The following ANO9 variants were observed in gnomAD, a reference collection of about 807,000 sequenced individuals.
The protein encoded by ANO9 is anoctamin-9.
Under a neutral mutation model 100.5 loss-of-function variants are expected in ANO9, and 80 were observed. That is an observed-to-expected ratio of 0.80 (90% confidence interval 0.66 to 0.96). The LOEUF (loss-of-function observed/expected upper bound fraction) is 0.96, where lower values mean the gene tolerates loss of function less well. Ranked by LOEUF, ANO9 falls within the 40% of genes least tolerant of loss-of-function variation. The pLI is 0.00. For missense variants in ANO9, 1,064 were observed against 1,072.7 expected (o/e 0.99, Z 0.11); for synonymous variants, 473 against 435.6 (o/e 1.09, Z -1.07).
chr11:430,411 C>A lies in ANO9; in HGVS notation c.540-8G>T. The A allele has an allele frequency of 6.7e-7, 1 of 1,497,380 alleles. No individual in the cohort carries two copies. The highest frequency in any genetic ancestry group is 9.0e-7 in the Non-Finnish European group (1 of 1,114,258). The allele number at this position is 1,497,380 out of a possible 1,614,324, so 92.8% of individuals were successfully genotyped here. A position where few individuals can be genotyped will look rare whatever the true frequency, so the allele number is the denominator to read the frequency against. ...TTTTCCCCAAAGTAGTTCCTGCAGG[C>A]AGCAGGGGTCAAGGCCAGCTGTCAG... On this transcript the variant is annotated splice_polypyrimidine_tract_variant and splice_region_variant and intron_variant, in intron 7 of 22. Coordinates refer to ENST00000332826, the MANE Select transcript of ANO9 (RefSeq NM_001012302.3).
chr11:440,123 G>A (rs911796908), intron 1 of ANO9, among the ~76,000 whole-genome samples: 1 of 152,156 alleles, frequency 6.6e-6, no homozygotes, highest in Non-Finnish European at 1.5e-5. Flanking sequence ...TCAGCAGTCA[G>A]CACCTCCCAG....
chr11:433,426 T>C lies in ANO9; in HGVS notation c.238A>G (p.Ile80Val). The C allele has an allele frequency of 6.2e-7, 1 of 1,613,068 alleles. No individual in the cohort carries two copies. Among genetic ancestry groups the C allele is most frequent in the African/African-American group, 1.3e-5 (1 of 74,910 alleles). Residue 80 changes from isoleucine (I) to valine (V), a missense_variant, in exon 4 of 23, where the codon ATC becomes GTC. Ile to Val is a conservative substitution (Grantham distance 29). Coordinates refer to ENST00000332826, the MANE Select transcript of ANO9 (RefSeq NM_001012302.3). ...CCAAAGACACTGTTGTCAGCACGGA[T>C]CCCAAAGAAGACCTGTTTCTGGTCC... is the stretch of plus-strand genomic sequence containing the variant. Reference protein sequence around the residue: ...IRDQKQVFFGIRADNSVFGLY... With the variant: ...IRDQKQVFFGVRADNSVFGLY...
At position 428,780 on chromosome 11, in the gene ANO9, C is replaced by T. The variant is rs201493230; in HGVS notation, c.962G>A (p.Arg321Gln). Residue 321 changes from arginine (R) to glutamine (Q), a missense_variant, in exon 12 of 23, where the codon CGG becomes CAG. By Grantham distance (43) the Arg-to-Gln change is conservative. Coordinates refer to ENST00000332826, the MANE Select transcript of ANO9 (RefSeq NM_001012302.3). Reference sequence around the variant, plus strand: ...GCGTAGGTAGGAGTGCTGGTATGGCCGGAGCTTGTAGTCGGGGCAGTTAAT... The same window carrying T: ...GCGTAGGTAGGAGTGCTGGTATGGCTGGAGCTTGTAGTCGGGGCAGTTAAT... ...QLINCPDYKL[R>Q]PYQHSYLRST... is the part of the protein sequence containing the mutation. 3.9e-4 allele frequency: 630 copies of T among 1,613,216 alleles called. 1 individual carries two copies. Among genetic ancestry groups the T allele is most frequent in the Non-Finnish European group, 4.3e-4 (503 of 1,179,948 alleles).
At chr11:423,074 C>T (rs1369891785) in intron 15 of ANO9, among the ~76,000 whole-genome samples, 1 of 152,128 alleles carries the variant, frequency 6.6e-6, no homozygotes, top group Non-Finnish European at 1.5e-5. Flanking sequence ...ATGATCCGCC[C>T]ACCTCGGCCT....
At chr11:435,401 CTAGTA>C (rs1849392381) in intron 1 of ANO9, among the ~76,000 whole-genome samples, 1 of 149,260 alleles carries the variant, frequency 6.7e-6, no homozygotes, top group Admixed American at 6.7e-5. Flanking sequence ...ATGGTATAGT[CTAGTA>C]TAGTCTAGTC....
intron 11 of ANO9, among the ~76,000 whole-genome samples, chr11:429,176 AC>A: frequency 7.3e-6 from 1 of 137,380 alleles, no homozygotes; most frequent in Non-Finnish European, 1.6e-5. Context: ...GGAGACAGAC[AC>A]AGGGACACGC....
Position 432,443 on chromosome 11 carries a change from T to G in ANO9, c.351-389A>C. ...TCCTTATACCCTGGAGCTGTTCTGT[T>G]CCACTGTGCAGAGCAGAGACTGGGG... On this transcript the variant is annotated intron_variant, in intron 4 of 22. Transcript: ENST00000332826. This position sits in a 1 kb window ranked among gnomAD's most constrained non-coding sequence, Gnocchi z 4.8. The G allele has an allele frequency of 4.0e-6, 1 of 251,698 alleles. No individual in the cohort carries two copies. Among genetic ancestry groups the G allele is most frequent in the Non-Finnish European group, 7.8e-6 (1 of 128,014 alleles). The allele number at this position is 251,698 out of a possible 1,614,324, so 15.6% of individuals were successfully genotyped here. A position where few individuals can be genotyped will look rare whatever the true frequency, so the allele number is the denominator to read the frequency against.
chr11:433,677 G>C, intron 3 of ANO9, 138 bp downstream of exon 3: 5 of 1,430,636 alleles, frequency 3.5e-6, no homozygotes, highest in Non-Finnish European at 9.2e-7. Context: ...GAGCCTCCAA[G>C]CCTGGCCCTC....
chr11:433,197 C>CA, intron 4 of ANO9, 117 bp downstream of exon 4: 1 of 1,410,058 alleles, frequency 7.1e-7, no homozygotes, highest in Non-Finnish European at 9.4e-7. Context: ...CCTGAGACCA[C>CA]ACGGCTGTCC....
chr11:430,083 C>CT lies in ANO9; in HGVS notation c.770dup (p.Leu258AlafsTer6). On this transcript the variant is annotated frameshift_variant and splice_region_variant, in exon 9 of 23. Transcript: ENST00000332826. LOFTEE classifies it high-confidence loss of function. ...TGGGGTGGACCCGGAGGCGACAAACCTTGGCAAAAGTGCAGGTTTCCGAGA... is the reference window on the plus strand; with the variant it reads ...TGGGGTGGACCCGGAGGCGACAAACCTTTGGCAAAAGTGCAGGTTTCCGAGA... The CT allele has an allele frequency of 1.3e-6, 2 of 1,550,348 alleles. No individual in the cohort carries two copies. The highest frequency in any genetic ancestry group is 1.7e-6 in the Non-Finnish European group (2 of 1,147,274).
chr11:429,019 G>A (rs1848705870), intron 11 of ANO9, among the ~76,000 whole-genome samples, 193 bp from the exon 12 acceptor site: 1 of 143,042 alleles, frequency 7.0e-6, no homozygotes, highest in Non-Finnish European at 1.5e-5. Flanking sequence ...GACAGACACG[G>A]GACACTCACA....
intron 11 of ANO9, 57 bp downstream of exon 11, chr11:429,513 G>T: frequency 6.3e-7 from 1 of 1,598,766 alleles, no homozygotes; most frequent in Non-Finnish European, 8.5e-7. Context: ...GCAGGGCATC[G>T]GGCGCCAACA....
In ANO9 at chr11:429,752, ACT is replaced by A. The variant is rs761851521; in HGVS notation, c.832+4_832+5del. The A allele has an allele frequency of 6.2e-7, 1 of 1,611,324 alleles. No homozygotes were observed. Among genetic ancestry groups the A allele is most frequent in the African/African-American group, 1.3e-5 (1 of 74,940 alleles). The stretch of plus-strand genomic sequence containing the variant: ...GGCCCCGCAGAGGCGTCCCGCAGCA[ACT>A]CACCCCAGAGAGCCATGAAGATGGC... On this transcript the variant is annotated splice_donor_5th_base_variant and intron_variant, in intron 10 of 22. Coordinates refer to ENST00000332826, the MANE Select transcript of ANO9 (RefSeq NM_001012302.3).
At chr11:429,270 G>A (rs186329720) in intron 11 of ANO9, among the ~76,000 whole-genome samples, 92 of 143,574 alleles carry the variant, frequency 6.4e-4, no homozygotes, top group Non-Finnish European at 9.9e-4. Flanking sequence ...GGACAGACAC[G>A]GGACACTCAC....
chr11:419,493 T>C, intron 20 of ANO9, 89 bp downstream of exon 20: 3 of 1,532,276 alleles, frequency 2.0e-6, no homozygotes, highest in Non-Finnish European at 1.8e-6. Flanking sequence ...GGTCCAGCCA[T>C]TCCCAGGAGA....
Position 432,463 on chromosome 11 carries a change from CTG to C in ANO9, c.351-411_351-410del, listed in dbSNP as rs532221297. The C allele has an allele frequency of 2.1e-3, 395 of 186,766 alleles. 1 individual carries two copies. The highest frequency in any genetic ancestry group is 3.2e-3 in the Non-Finnish European group (290 of 90,052). 11.6% of individuals were successfully genotyped at this position (186,766 alleles called of 1,614,324 possible). On this transcript the variant is annotated intron_variant, in intron 4 of 22. Transcript: ENST00000332826. This position sits in a 1 kb window ranked among gnomAD's most constrained non-coding sequence, Gnocchi z 4.8. ...TCTGTTCCACTGTGCAGAGCAGAGA[CTG>C]GGGCTCAGGAAAGGGAACGTCCCAA...
At chr11:420,661 G>A (rs573738818) in intron 18 of ANO9, 46 bp from the exon 19 acceptor site, 3 of 1,600,640 alleles carry the variant, frequency 1.9e-6, no homozygotes, top group South Asian at 2.2e-5. Context: ...ACTCATGTCC[G>A]CGGACCCCCG....
Position 420,571 on chromosome 11 carries a change from G to T in ANO9, c.1678C>A (p.Leu560Met). Residue 560 changes from leucine to methionine, a missense_variant, in exon 19 of 23, where the codon CTG (leucine) becomes ATG (methionine). By Grantham distance (15) the Leu-to-Met change is conservative. Transcript: ENST00000332826. ...FTTIFVAAFP[L>M]APLLALFSNL... is the part of the protein sequence containing the mutation. ...CTGAAGAGCGCGAGCAGCGGCGCCA[G>T]CGGGAAGGCGGCCACGAAGATGGTG... is the stretch of plus-strand genomic sequence containing the variant. 6.2e-7 allele frequency: 1 copy of T among 1,605,320 alleles called. No individual in the cohort carries two copies.
Position 430,162 on chromosome 11 carries a change from G to T in ANO9, c.692C>A (p.Ala231Asp), listed in dbSNP as rs757600565. The stretch of plus-strand genomic sequence containing the variant: ...GAGGGGACACATGAGGATGTCGTGG[G>T]CCTCACAGATCTCCTTGCTGAAGGG... The part of the protein sequence containing the change: ...ASQISKEICE[A>D]HDILMCPLGD... Residue 231 changes from alanine to aspartate, a missense_variant, in exon 9 of 23, where the codon GCC becomes GAC. Transcript: ENST00000332826. 1 of 1,552,538 alleles carries T rather than the reference G, an allele frequency of 6.4e-7. No homozygotes were observed. The highest frequency in any genetic ancestry group is 1.9e-5 in the Admixed American group (1 of 51,526).
Sources: gnomAD v4.1 joint callset for allele counts (sites outside exome capture counted in the v4.1 genomes callset) on GRCh38, gnomAD v4.1.1 for gene constraint, Gnocchi (gnomAD v3.1) non-coding constraint, MANE v1.5 for transcripts, NCBI Gene and HGNC (gene_info 2026-07-23, HGNC 2026-07-21) for gene names.